Variants in CIROZ observed in about 807,000 individuals in gnomAD.
CIROZ encodes ciliated left-right organizer protein containing ZP-N domains.
chr1:10,951,084 G>A, the CIROZ span, among the ~76,000 whole-genome samples: 2 of 152,170 alleles, frequency 1.3e-5, no homozygotes, highest in Admixed American at 6.5e-5. Flanking sequence ...CTGTCCCGCC[G>A]CTGACATTCC....
chr1:10,963,778 T>C, the CIROZ span, among the ~76,000 whole-genome samples: 3 of 152,014 alleles, frequency 2.0e-5, no homozygotes, highest in Non-Finnish European at 4.4e-5. Context: ...TAGCAAATTT[T>C]TTCAATCCAG....
the CIROZ span, among the ~76,000 whole-genome samples, chr1:10,971,765 T>C: frequency 6.6e-6 from 1 of 152,158 alleles, no homozygotes; most frequent in Admixed American, 6.5e-5. Flanking sequence ...AAAGAGAAGC[T>C]CAGGAAGGAG....
chr1:10,981,611 C>T, the CIROZ span, among the ~76,000 whole-genome samples: 1 of 152,126 alleles, frequency 6.6e-6, no homozygotes, highest in African/African-American at 2.4e-5. Context: ...GAATAGCTAG[C>T]GACCACAACT....
the CIROZ span, among the ~76,000 whole-genome samples, chr1:10,967,153 AAG>A: frequency 2.3e-3 from 218 of 96,266 alleles, 1 homozygote; most frequent in Middle Eastern, 5.3e-3. Flanking sequence ...TGTCCAAAAA[AAG>A]AAAAAAAAAA....
the CIROZ span, chr1:10,957,433 C>T: frequency 2.4e-6 from 2 of 835,000 alleles, no homozygotes; most frequent in East Asian, 2.7e-5. Flanking sequence ...GCAGGAGCCC[C>T]TCATCTGCAG....
the CIROZ span, among the ~76,000 whole-genome samples, chr1:10,965,489 C>T: frequency 3.3e-5 from 5 of 152,156 alleles, no homozygotes; most frequent in South Asian, 2.1e-4. Context: ...ATTGGGACAC[C>T]GAGGCGGGAG....
the CIROZ span, among the ~76,000 whole-genome samples, chr1:10,973,767 C>T: frequency 1.3e-5 from 2 of 152,114 alleles, no homozygotes; most frequent in South Asian, 2.1e-4. Context: ...GTGGAGCAGG[C>T]AGGAGCCCCA....
chr1:10,966,324 TAA>T, the CIROZ span: 481 of 1,198,634 alleles, frequency 4.0e-4, no homozygotes, highest in South Asian at 1.2e-3. Context: ...AATCTCCCTT[TAA>T]AAAAAAAAAA....
the CIROZ span, chr1:10,976,399 G>C: frequency 3.3e-6 from 2 of 611,342 alleles, no homozygotes; most frequent in South Asian, 2.1e-5. Context: ...GCAGTGGCGC[G>C]ATCTAAGCTC....
At chr1:10,955,209 C>T in the CIROZ span, 1 of 1,578,240 alleles carries the variant, frequency 6.3e-7, no homozygotes, top group Non-Finnish European at 8.6e-7. Flanking sequence ...GGACACAGGA[C>T]ACAGAAAAAG....
At chr1:10,947,890 C>T in the CIROZ span, 3 of 1,612,958 alleles carry the variant, frequency 1.9e-6, no homozygotes, top group Non-Finnish European at 2.5e-6. Context: ...GTGTGTGCAA[C>T]CCCCCACTCC....
the CIROZ span, among the ~76,000 whole-genome samples, chr1:10,959,201 A>G: frequency 1.3e-5 from 2 of 152,246 alleles, no homozygotes; most frequent in East Asian, 3.9e-4. This position sits in a 1 kb window ranked among gnomAD's most constrained non-coding sequence, Gnocchi z 4.3. Flanking sequence ...CAGAGAGTAC[A>G]CATGTGCCCC....
chr1:10,948,262 GC>G, the CIROZ span: 1 of 1,613,924 alleles, frequency 6.2e-7, no homozygotes, highest in Non-Finnish European at 8.5e-7. Flanking sequence ...GTCTGGCGTG[GC>G]CTCTCCACCT....
the CIROZ span, among the ~76,000 whole-genome samples, chr1:10,969,268 G>GAAGC: frequency 6.6e-6 from 1 of 152,056 alleles, no homozygotes; most frequent in African/African-American, 2.4e-5. Flanking sequence ...AGCATGGAGG[G>GAAGC]AAGCAAGCTA....
At chr1:10,959,908 A>G in the CIROZ span, among the ~76,000 whole-genome samples, 1 of 152,174 alleles carries the variant, frequency 6.6e-6, no homozygotes, top group African/African-American at 2.4e-5. This position sits in a 1 kb window ranked among gnomAD's most constrained non-coding sequence, Gnocchi z 4.3. Flanking sequence ...CTTGGGGAGC[A>G]AAGTGGAAGA....
the CIROZ span, chr1:10,948,753 C>G: frequency 6.5e-7 from 1 of 1,540,154 alleles, no homozygotes; most frequent in Non-Finnish European, 8.7e-7. Context: ...CTGGGGACCT[C>G]GCTGAGCTTG....
the CIROZ span, chr1:10,957,840 C>T: frequency 4.9e-6 from 7 of 1,433,344 alleles, no homozygotes; most frequent in Non-Finnish European, 6.6e-6. Flanking sequence ...TGAAGGGTCA[C>T]CTAGGAAGGC....
the CIROZ span, chr1:10,964,043 G>C: frequency 6.5e-7 from 1 of 1,536,128 alleles, no homozygotes; most frequent in Non-Finnish European, 8.8e-7. Context: ...TGGTGCAGGA[G>C]CCAGGGCCAC....
chr1:10,949,627 G>A, the CIROZ span: 1 of 1,601,212 alleles, frequency 6.2e-7, no homozygotes, highest in African/African-American at 1.3e-5. Flanking sequence ...GACGTGCTTT[G>A]GCCAGTGCGT....
Sources: allele counts gnomAD v4.1 joint callset (sites outside exome capture counted in the v4.1 genomes callset), GRCh38; gene constraint gnomAD v4.1.1; non-coding constraint Gnocchi (gnomAD v3.1); transcripts MANE v1.5; gene names NCBI Gene and HGNC (gene_info 2026-07-23, HGNC 2026-07-21).